FHDC1: variants seen among roughly 807,000 people sequenced by gnomAD.
FHDC1 encodes the protein FH2 domain-containing protein 1.
A neutral mutation model predicts 52.6 loss-of-function variants in FHDC1; 25 were observed. The ratio of observed to expected loss-of-function variants is 0.48; its 90% CI spans 0.35 to 0.66. FHDC1 has a LOEUF of 0.66. Ranked by LOEUF, FHDC1 falls within the 30% of genes least tolerant of loss-of-function variation. The pLI is 0.01. For missense variants in FHDC1, 1,459 were observed against 1,452.8 expected (o/e 1.00, Z -0.07); for synonymous variants, 616 against 581.5 (o/e 1.06, Z -0.85).
At chr4:152,967,926 C>A (rs986842165) in intron 9 of FHDC1, 54 bp from the exon 10 acceptor site, 5 of 1,334,290 alleles carry the variant, frequency 3.7e-6, no homozygotes, top group Non-Finnish European at 5.3e-6. Context: ...AATATACCTA[C>A]ATGACACATG....
At chr4:152,925,922 A>G in the FHDC1 span, among the ~76,000 whole-genome samples, 4 of 151,958 alleles carry the variant, frequency 2.6e-5, no homozygotes, top group African/African-American at 9.7e-5. Flanking sequence ...GAAGGAGAAG[A>G]AGAAACCAGG....
chr4:152,912,999 C>CT, the FHDC1 span, among the ~76,000 whole-genome samples: 16 of 151,694 alleles, frequency 1.1e-4, no homozygotes, highest in South Asian at 8.3e-4. Flanking sequence ...ATGTAACACA[C>CT]TTTTTTTTTA....
At chr4:152,947,527 G>A (rs1435745608) in intron 2 of FHDC1, among the ~76,000 whole-genome samples, 2 of 152,120 alleles carry the variant, frequency 1.3e-5, no homozygotes, top group African/African-American at 2.4e-5. Flanking sequence ...TTAGCTGAGG[G>A]TGTGCGTGTC....
the FHDC1 span, chr4:152,928,332 T>C: frequency 6.2e-6 from 3 of 484,070 alleles, no homozygotes; most frequent in Non-Finnish European, 7.5e-6. Flanking sequence ...CAACATGACA[T>C]TTTTAACCAA....
In FHDC1 at chr4:152,944,258, T is replaced by A. The variant is rs1357298122; in HGVS notation, c.498+703T>A. Among the ~76,000 whole-genome samples, 6 of 152,168 alleles carry A rather than the reference T, an allele frequency of 3.9e-5. No individual in the cohort carries two copies. In the South Asian group the frequency reaches 1.0e-3, roughly 26 times the overall value. On this transcript the variant is annotated intron_variant, in intron 2 of 11. Transcript: ENST00000511601. ...ATGACCCCAGAGCTGCAGATCACCA[T>A]GTATTACAGAAACTGCATCAAAAAT...
intron 2 of FHDC1, among the ~76,000 whole-genome samples, chr4:152,945,293 A>G (rs1012065529): frequency 4.6e-5 from 7 of 152,176 alleles, no homozygotes; most frequent in African/African-American, 1.7e-4. Context: ...AATTCAGGGA[A>G]AAAAATAATC....
chr4:152,913,198 TATTAAATATCTTCCC>T, the FHDC1 span, among the ~76,000 whole-genome samples: 5 of 152,240 alleles, frequency 3.3e-5, no homozygotes, highest in East Asian at 9.6e-4. Context: ...GTTTAATGTG[TATTAAATATCTTCCC>T]ATTGGGGAAA....
chr4:152,975,423 A>C lies in FHDC1; in HGVS notation c.2132A>C (p.His711Pro). 1 of 1,613,502 alleles carries C rather than the reference A, an allele frequency of 6.2e-7. No individual in the cohort carries two copies. The highest frequency in any genetic ancestry group is 8.5e-7 in the Non-Finnish European group (1 of 1,180,022). Residue 711 changes from histidine to proline, a missense_variant, in exon 12 of 12, where the codon CAT (histidine) becomes CCT (proline). This residue lies in a region of FHDC1 where 939 missense variants were observed against 854.5 expected (regional missense o/e 1.10). Coordinates refer to ENST00000511601, the MANE Select transcript of FHDC1 (RefSeq NM_001371116.1). ...CCGATGGAGCTAGAGTCTGTGGGGC[A>C]TAGGGGCCCGCAGTCCCTCAGTGCC... is the stretch of plus-strand genomic sequence containing the variant. Reference protein sequence around the residue: ...FSPMELESVGHRGPQSLSASS... With the variant: ...FSPMELESVGPRGPQSLSASS...
At chr4:152,934,632 G>T (rs969481420), upstream of FHDC1, among the ~76,000 whole-genome samples, 3 of 152,192 alleles carry the variant, frequency 2.0e-5, no homozygotes, top group African/African-American at 7.2e-5. Flanking sequence ...ATTTCTTTGG[G>T]ATACTGGGAG....
In FHDC1 at chr4:152,960,682, A is replaced by G. The variant is rs774905152; in HGVS notation, c.749+32A>G. ...ATACAGTCGCTGGTTATTATTCTTCACGCAGTAAGATTTTTAAACTAATGA... is the reference window on the plus strand; with the variant it reads ...ATACAGTCGCTGGTTATTATTCTTCGCGCAGTAAGATTTTTAAACTAATGA... On this transcript the variant is annotated intron_variant, in intron 5 of 11. Transcript: ENST00000511601. The G allele has an allele frequency of 1.7e-5, 27 of 1,612,178 alleles. No individual in the cohort carries two copies. In the East Asian group the frequency reaches 2.0e-4, roughly 12 times the overall value.
At chr4:152,919,056 G>A in the FHDC1 span, among the ~76,000 whole-genome samples, 46 of 152,332 alleles carry the variant, frequency 3.0e-4, no homozygotes, top group Non-Finnish European at 5.9e-4. Context: ...AGCCCTCCTC[G>A]TGCTTTGCAC....
At chr4:152,958,583 C>T (rs1054522366) in intron 4 of FHDC1, among the ~76,000 whole-genome samples, 12 of 151,990 alleles carry the variant, frequency 7.9e-5, no homozygotes, top group South Asian at 2.1e-4. Flanking sequence ...AAACATTTAC[C>T]GAGTTTACTT....
At chr4:152,919,673 A>G in the FHDC1 span, among the ~76,000 whole-genome samples, 1 of 152,208 alleles carries the variant, frequency 6.6e-6, no homozygotes, top group South Asian at 2.1e-4. Context: ...GGCAGAATTC[A>G]TCTGAAGCTT....
intron 4 of FHDC1, among the ~76,000 whole-genome samples, chr4:152,956,975 G>A (rs759176638): frequency 3.9e-5 from 6 of 152,196 alleles, no homozygotes; most frequent in South Asian, 2.1e-4. Context: ...AGCCGAAGCC[G>A]CTCCCTGACT....
the FHDC1 span, among the ~76,000 whole-genome samples, chr4:152,928,729 C>G: frequency 2.0e-5 from 3 of 152,056 alleles, no homozygotes; most frequent in Non-Finnish European, 4.4e-5. Context: ...CTCACCAGTC[C>G]TTGATGTTGT....
chr4:152,933,634 G>A (rs1739288345), upstream of FHDC1, among the ~76,000 whole-genome samples: 1 of 150,536 alleles, frequency 6.6e-6, no homozygotes, highest in Non-Finnish European at 1.5e-5. Flanking sequence ...TTGGGAGGCT[G>A]AGGCAGGAGA....
the FHDC1 span, among the ~76,000 whole-genome samples, chr4:152,914,336 C>A: frequency 6.6e-6 from 1 of 152,142 alleles, no homozygotes; most frequent in Admixed American, 6.5e-5. Flanking sequence ...CAGGAAACGA[C>A]AAAGTTCAGC....
the FHDC1 span, among the ~76,000 whole-genome samples, chr4:152,913,569 C>T: frequency 1.4e-4 from 21 of 152,132 alleles, no homozygotes; most frequent in Non-Finnish European, 2.1e-4. Context: ...TACTTAAATA[C>T]CTATTTGCAA....
intron 8 of FHDC1, among the ~76,000 whole-genome samples, chr4:152,963,786 T>TG (rs1561211257): frequency 4.3e-4 from 60 of 140,292 alleles, no homozygotes; most frequent in African/African-American, 1.5e-3. Flanking sequence ...TTTTTTTTTT[T>TG]TTTTTTTTTT....
Sources: allele counts gnomAD v4.1 joint callset (sites outside exome capture counted in the v4.1 genomes callset), GRCh38; gene constraint gnomAD v4.1.1; regional missense constraint gnomAD v4.1.1; transcripts MANE v1.5; gene names NCBI Gene and HGNC (gene_info 2026-07-23, HGNC 2026-07-21).